The following GLDN variants were observed in gnomAD, a reference collection of about 807,000 sequenced individuals.
GLDN encodes gliomedin.
A neutral mutation model predicts 56.5 loss-of-function variants in GLDN; 47 were observed. The ratio of observed to expected loss-of-function variants is 0.83; its 90% CI spans 0.66 to 1.06. The LOEUF (loss-of-function observed/expected upper bound fraction) is 1.06, where lower values mean the gene tolerates loss of function less well. Among genes scored for constraint, GLDN ranks in the 50% least tolerant of loss-of-function variants. GLDN has a pLI of 0.00. For synonymous variants in GLDN, 332 were observed against 278.8 expected, an observed-to-expected ratio of 1.19 and a Z score of -1.90; for missense variants, 782 against 714.3, an observed-to-expected ratio of 1.09 and a Z score of -1.08.
intron 1 of GLDN, among the ~76,000 whole-genome samples, chr15:51,364,798 T>C (rs183397256): frequency 2.0e-5 from 3 of 152,328 alleles, no homozygotes; most frequent in Admixed American, 2.0e-4. Context: ...TTCAAAGATC[T>C]GGTAATTATT....
At chr15:51,401,036 G>A (rs1341590593) in intron 8 of GLDN, among the ~76,000 whole-genome samples, 4 of 152,176 alleles carry the variant, frequency 2.6e-5, no homozygotes, top group East Asian at 1.9e-4. Context: ...TAGTAACAGC[G>A]GCCTCATTAA....
At chr15:51,348,877 A>G (rs1018284666) in intron 1 of GLDN, among the ~76,000 whole-genome samples, 1 of 152,208 alleles carries the variant, frequency 6.6e-6, no homozygotes. Context: ...TAGCTTGACC[A>G]CAATGCCTTT....
intron 6 of GLDN, among the ~76,000 whole-genome samples, chr15:51,399,500 G>T (rs1415798384): frequency 1.3e-5 from 2 of 152,152 alleles, no homozygotes. Flanking sequence ...TTCATTAAGG[G>T]GGACACTGAT....
intron 1 of GLDN, among the ~76,000 whole-genome samples, chr15:51,370,971 G>C (rs749482737): frequency 1.3e-5 from 2 of 151,888 alleles, no homozygotes; most frequent in Non-Finnish European, 2.9e-5. Flanking sequence ...TTCCAGCATG[G>C]GCAACAGAGT....
downstream of GLDN, chr15:51,408,106 G>T (rs2038422795): frequency 6.6e-6 from 1 of 152,160 alleles, no homozygotes. Flanking sequence ...TATATTAGTT[G>T]CTCCTCTGTG....
intron 6 of GLDN, among the ~76,000 whole-genome samples, chr15:51,399,140 G>A (rs2038196303): frequency 6.6e-6 from 1 of 152,100 alleles, no homozygotes; most frequent in African/African-American, 2.4e-5. Context: ...GAAACTCCGG[G>A]GGCAGCAGGG....
At chr15:51,342,514 G>A (rs2036905135) in intron 1 of GLDN, among the ~76,000 whole-genome samples, 1 of 152,164 alleles carries the variant, frequency 6.6e-6, no homozygotes, top group Non-Finnish European at 1.5e-5. Context: ...ATCAACTAGT[G>A]GTCTGGCTTT....
chr15:51,392,287 A>C (rs929624675), intron 4 of GLDN, among the ~76,000 whole-genome samples: 1 of 152,180 alleles, frequency 6.6e-6, no homozygotes, highest in African/African-American at 2.4e-5. Context: ...GCAAAGCTTC[A>C]TCTGTATTTA....
At chr15:51,370,429 A>G (rs2037491991) in intron 1 of GLDN, among the ~76,000 whole-genome samples, 1 of 152,198 alleles carries the variant, frequency 6.6e-6, no homozygotes, top group African/African-American at 2.4e-5. Context: ...TATATAAGGA[A>G]AATAAAAGTC....
chr15:51,381,387 A>G (rs1213946330), intron 2 of GLDN, among the ~76,000 whole-genome samples: 1 of 151,968 alleles, frequency 6.6e-6, no homozygotes, highest in Non-Finnish European at 1.5e-5. Context: ...TTAACTGGCC[A>G]CCTCACCCCC....
At chr15:51,351,742 A>G (rs1208664589) in intron 1 of GLDN, among the ~76,000 whole-genome samples, 1 of 151,960 alleles carries the variant, frequency 6.6e-6, no homozygotes, top group Admixed American at 6.6e-5. Context: ...TCCCAGCCCC[A>G]TTCTCTCTCC....
chr15:51,352,294 G>A (rs1211947650), intron 1 of GLDN, among the ~76,000 whole-genome samples: 1 of 151,942 alleles, frequency 6.6e-6, no homozygotes, highest in Non-Finnish European at 1.5e-5. Context: ...ATTTTTATAA[G>A]GTCATTAATC....
chr15:51,366,215 G>T (rs1467021696), intron 1 of GLDN, among the ~76,000 whole-genome samples: 6 of 152,292 alleles, frequency 3.9e-5, no homozygotes, highest in African/African-American at 1.4e-4. Flanking sequence ...GAACACGGTC[G>T]GAGGCCACCT....
chr15:51,411,739 G>C (rs998874762), downstream of GLDN, among the ~76,000 whole-genome samples: 1 of 151,978 alleles, frequency 6.6e-6, no homozygotes, highest in Non-Finnish European at 1.5e-5. Flanking sequence ...TCAAACTTTT[G>C]ACAAGCATCT....
intron 9 of GLDN, among the ~76,000 whole-genome samples, chr15:51,403,037 C>T (rs1211287601): frequency 6.6e-6 from 1 of 152,172 alleles, no homozygotes; most frequent in Admixed American, 6.5e-5. Context: ...ACGGAGGTGG[C>T]GTGGGGGGCA....
At position 51,397,616 on chromosome 15, in the gene GLDN, AC is replaced by A. The variant is rs768012999; in HGVS notation, c.817+19del. ...GTGCCCAGGTCACCACCTCTCCCCTACGGGGCCCACCTCTTCTGTCAATTAT... is the reference window on the plus strand; with the variant it reads ...GTGCCCAGGTCACCACCTCTCCCCTAGGGGCCCACCTCTTCTGTCAATTAT... On this transcript the variant is annotated intron_variant, in intron 6 of 9. Transcript: ENST00000335449. 1 of 1,552,124 alleles carries A rather than the reference AC, an allele frequency of 6.4e-7. No individual in the cohort carries two copies. Among genetic ancestry groups the A allele is most frequent in the East Asian group, 2.4e-5 (1 of 41,094 alleles).
intron 1 of GLDN, among the ~76,000 whole-genome samples, chr15:51,366,023 AAAGT>A (rs1489717939): frequency 6.6e-6 from 1 of 152,250 alleles, no homozygotes; most frequent in Non-Finnish European, 1.5e-5. Flanking sequence ...TCTTAAAAAT[AAAGT>A]AAGGGCAAGG....
At chr15:51,349,725 G>A (rs2037040414) in intron 1 of GLDN, among the ~76,000 whole-genome samples, 1 of 150,796 alleles carries the variant, frequency 6.6e-6, no homozygotes, top group South Asian at 2.1e-4. Flanking sequence ...TAATTCCCTG[G>A]AACGGCACTA....
intron 4 of GLDN, among the ~76,000 whole-genome samples, chr15:51,389,897 C>T (rs1595832024): frequency 6.6e-6 from 1 of 152,094 alleles, no homozygotes; most frequent in Admixed American, 6.5e-5. Context: ...TCCACATATG[C>T]AGGAGGCAAC....
Sources: allele counts gnomAD v4.1 joint callset (sites outside exome capture counted in the v4.1 genomes callset), GRCh38; gene constraint gnomAD v4.1.1; transcripts MANE v1.5; gene names NCBI Gene and HGNC (gene_info 2026-07-23, HGNC 2026-07-21).